Variants in TMEM132D observed in about 807,000 individuals in gnomAD.
The protein encoded by TMEM132D is transmembrane protein 132D.
A neutral mutation model predicts 62.3 loss-of-function variants in TMEM132D; 21 were observed. That is an observed-to-expected ratio of 0.34 (90% CI 0.24 to 0.49). The LOEUF is 0.49. Among genes scored for constraint, TMEM132D ranks in the 20% least tolerant of loss-of-function variants. TMEM132D has a pLI of 0.99. For synonymous variants in TMEM132D, 621 were observed against 575.6 expected (o/e 1.08, Z -1.13); for missense variants, 1,346 against 1,402.8 (o/e 0.96, Z 0.65).
intron 3 of TMEM132D, among the ~76,000 whole-genome samples, chr12:129,430,541 G>A (rs899382565): frequency 1.6e-4 from 24 of 151,976 alleles, no homozygotes; most frequent in Admixed American, 1.2e-3. Flanking sequence ...GGGCTTAAGC[G>A]ATACTCCTGC....
At chr12:129,103,674 C>T (rs1330234386) in intron 5 of TMEM132D, among the ~76,000 whole-genome samples, 3 of 152,210 alleles carry the variant, frequency 2.0e-5, no homozygotes, top group East Asian at 1.9e-4. Flanking sequence ...TGAGCCACCA[C>T]GCCTGGCCTA....
intron 1 of TMEM132D, among the ~76,000 whole-genome samples, chr12:129,842,424 C>A (rs1291974391): frequency 6.6e-6 from 1 of 151,836 alleles, no homozygotes; most frequent in Non-Finnish European, 1.5e-5. Context: ...TCTTGCCAAT[C>A]CTACTGATGC....
chr12:129,513,990 A>G (rs776978930), intron 3 of TMEM132D, among the ~76,000 whole-genome samples: 91 of 149,264 alleles, frequency 6.1e-4, no homozygotes, highest in Non-Finnish European at 9.2e-4. Context: ...GGCGCCCGCC[A>G]CCACGCCTGG....
intron 4 of TMEM132D, among the ~76,000 whole-genome samples, chr12:129,219,895 C>A (rs764709033): frequency 1.2e-4 from 18 of 152,136 alleles, no homozygotes; most frequent in Non-Finnish European, 7.3e-5. Flanking sequence ...TGGCCTTGCA[C>A]CTTTTGGGAG....
At chr12:129,275,208 AG>A (rs1880972474) in intron 4 of TMEM132D, among the ~76,000 whole-genome samples, 1 of 152,054 alleles carries the variant, frequency 6.6e-6, no homozygotes, top group African/African-American at 2.4e-5. Flanking sequence ...TGAGCCCAAG[AG>A]TTCAATTGCT....
At chr12:129,200,849 G>T (rs1007584160) in intron 5 of TMEM132D, among the ~76,000 whole-genome samples, 29 of 152,150 alleles carry the variant, frequency 1.9e-4, no homozygotes, top group African/African-American at 6.8e-4. Flanking sequence ...TTTTCCACTC[G>T]TCTCTTCCTC....
Position 129,302,307 on chromosome 12 carries a change from G to A in TMEM132D, c.1299+35327C>T, listed in dbSNP as rs191603111. Among the ~76,000 whole-genome samples the A allele has an allele frequency of 2.2e-3, 336 of 152,288 alleles. 1 individual carries two copies. Among genetic ancestry groups the A allele is most frequent in the African/African-American group, 7.8e-3 (326 of 41,562 alleles). On this transcript the variant is annotated intron_variant, in intron 4 of 8. Transcript: ENST00000422113. ...TTTTTGTAGTTTTCGTAGAGATGGG[G>A]TTTCACCATGTTGGCCAGGCTGGTC...
At chr12:129,411,923 G>A (rs1045858290) in intron 3 of TMEM132D, among the ~76,000 whole-genome samples, 5 of 152,088 alleles carry the variant, frequency 3.3e-5, no homozygotes, top group South Asian at 2.1e-4. Context: ...TACCTTGGCC[G>A]GGTAAGATGT....
At chr12:129,312,123 G>A (rs944052836) in intron 4 of TMEM132D, among the ~76,000 whole-genome samples, 1 of 152,198 alleles carries the variant, frequency 6.6e-6, no homozygotes, top group Non-Finnish European at 1.5e-5. Context: ...TGCAAGAGAT[G>A]AACATGTCTT....
At chr12:129,215,113 G>A (rs937856717) in intron 4 of TMEM132D, among the ~76,000 whole-genome samples, 1 of 152,180 alleles carries the variant, frequency 6.6e-6, no homozygotes, top group African/African-American at 2.4e-5. Context: ...TATACACCAT[G>A]GAATACTATG....
intron 4 of TMEM132D, among the ~76,000 whole-genome samples, chr12:129,333,376 G>T (rs1312878702): frequency 6.6e-6 from 1 of 152,154 alleles, no homozygotes; most frequent in Non-Finnish European, 1.5e-5. Flanking sequence ...TGTGTGCAAA[G>T]ATTTTTGTAC....
chr12:129,153,503 A>G (rs1214605508), intron 5 of TMEM132D, among the ~76,000 whole-genome samples: 1 of 152,126 alleles, frequency 6.6e-6, no homozygotes, highest in African/African-American at 2.4e-5. Flanking sequence ...GCCGTGAAGA[A>G]TGGAAGGAGA....
chr12:129,271,508 G>T (rs1171947365), intron 4 of TMEM132D, among the ~76,000 whole-genome samples: 1 of 151,498 alleles, frequency 6.6e-6, no homozygotes, highest in Non-Finnish European at 1.5e-5. Flanking sequence ...CCATCATCTA[G>T]GTTTTAAGCT....
At chr12:129,423,534 A>C (rs368003710) in intron 3 of TMEM132D, among the ~76,000 whole-genome samples, 1 of 152,162 alleles carries the variant, frequency 6.6e-6, no homozygotes, top group South Asian at 2.1e-4. Context: ...ATGGAAAAGG[A>C]CACCATGATT....
intron 5 of TMEM132D, among the ~76,000 whole-genome samples, chr12:129,191,056 T>C (rs1878385890): frequency 6.6e-6 from 1 of 152,094 alleles, no homozygotes; most frequent in South Asian, 2.1e-4. Flanking sequence ...GTGGTGCTGA[T>C]CTCTGACTCC....
At chr12:129,323,341 T>C (rs555625589) in intron 4 of TMEM132D, among the ~76,000 whole-genome samples, 32 of 152,204 alleles carry the variant, frequency 2.1e-4, no homozygotes, top group Non-Finnish European at 3.4e-4. Context: ...ATTAGAGAAA[T>C]TGATATAAAT....
intron 3 of TMEM132D, among the ~76,000 whole-genome samples, chr12:129,449,519 A>G (rs1185661547): frequency 1.3e-5 from 2 of 152,150 alleles, no homozygotes; most frequent in African/African-American, 4.8e-5. Context: ...AGATTTTTGT[A>G]GTTCTCTCCT....
chr12:129,873,577 T>G (rs1343412328), intron 1 of TMEM132D, among the ~76,000 whole-genome samples: 2 of 152,208 alleles, frequency 1.3e-5, no homozygotes, highest in Non-Finnish European at 2.9e-5. Context: ...AGCGTGAACC[T>G]GGGCACAAAG....
At chr12:129,176,185 G>C (rs1467046832) in intron 5 of TMEM132D, among the ~76,000 whole-genome samples, 1 of 152,222 alleles carries the variant, frequency 6.6e-6, no homozygotes, top group African/African-American at 2.4e-5. Context: ...CAGGAGGAGA[G>C]CAGATTTCAA....
Sources: gnomAD v4.1 joint callset for allele counts (sites outside exome capture counted in the v4.1 genomes callset) on GRCh38, gnomAD v4.1.1 for gene constraint, MANE v1.5 for transcripts, NCBI Gene and HGNC (gene_info 2026-07-23, HGNC 2026-07-21) for gene names.